Variants in DISP1 observed in about 807,000 individuals in gnomAD.
DISP1 encodes dispatched RND transporter family member 1, also known as protein dispatched homolog 1.
A neutral mutation model predicts 37.3 loss-of-function variants in DISP1; 30 were observed. The ratio of observed to expected loss-of-function variants is 0.80; its 90% CI spans 0.60 to 1.09. The LOEUF is 1.09. Ranked by LOEUF, DISP1 falls within the 50% of genes least tolerant of loss-of-function variation. DISP1 has a pLI of 0.00. For missense variants in DISP1, 1,598 were observed against 1,879.5 expected (o/e 0.85, Z 2.77); for synonymous variants, 634 against 690.2 (o/e 0.92, Z 1.28).
intron 1 of DISP1, among the ~76,000 whole-genome samples, chr1:222,892,650 T>C (rs1671003496): frequency 6.6e-6 from 1 of 152,194 alleles, no homozygotes; most frequent in Non-Finnish European, 1.5e-5. Flanking sequence ...TGTAAATACT[T>C]TTGACAGAAT....
intron 1 of DISP1, among the ~76,000 whole-genome samples, chr1:222,833,788 T>C (rs1666350144): frequency 6.6e-6 from 1 of 152,196 alleles, no homozygotes; most frequent in South Asian, 2.1e-4. Context: ...CTAGAAGACC[T>C]AGGCTTGAAC....
At chr1:222,913,331 T>C (rs1672312208) in intron 1 of DISP1, among the ~76,000 whole-genome samples, 1 of 152,200 alleles carries the variant, frequency 6.6e-6, no homozygotes. Context: ...CACTTTTATA[T>C]ATCAAAATGC....
intron 1 of DISP1, among the ~76,000 whole-genome samples, chr1:222,857,630 C>G (rs1668627536): frequency 6.6e-6 from 1 of 152,142 alleles, no homozygotes; most frequent in Non-Finnish European, 1.5e-5. Flanking sequence ...CATTTCTACA[C>G]ACCAACAACA....
chr1:222,826,097 T>G (rs1572174192), intron 1 of DISP1, among the ~76,000 whole-genome samples: 1 of 152,144 alleles, frequency 6.6e-6, no homozygotes, highest in East Asian at 1.9e-4. Flanking sequence ...GAGACAGAGG[T>G]CTCGTTTCAT....
At chr1:222,824,963 T>C (rs1663948951) in intron 1 of DISP1, among the ~76,000 whole-genome samples, 1 of 152,140 alleles carries the variant, frequency 6.6e-6, no homozygotes, top group Middle Eastern at 3.2e-3. Context: ...CAAAAAAAAT[T>C]TTTTAGACAG....
chr1:222,995,574 CAGGCGCTT>C (rs1164457381), intron 8 of DISP1, among the ~76,000 whole-genome samples: 3 of 152,204 alleles, frequency 2.0e-5, no homozygotes, highest in African/African-American at 7.2e-5. Context: ...TGCAAGAAGA[CAGGCGCTT>C]TGTCTCTCAG....
chr1:222,967,745 A>T (rs1676610958), intron 3 of DISP1, among the ~76,000 whole-genome samples: 1 of 152,214 alleles, frequency 6.6e-6, no homozygotes, highest in Admixed American at 6.5e-5. Context: ...TTTGTAAGAA[A>T]GATCTATATG....
intron 1 of DISP1, among the ~76,000 whole-genome samples, chr1:222,878,177 A>C (rs568584528): frequency 6.6e-6 from 1 of 152,350 alleles, no homozygotes; most frequent in East Asian, 1.9e-4. Flanking sequence ...AGGCATTGTT[A>C]CGGAGTCCTT....
chr1:222,970,820 C>A (rs571035711), intron 3 of DISP1, among the ~76,000 whole-genome samples: 1 of 152,056 alleles, frequency 6.6e-6, no homozygotes, highest in Admixed American at 6.6e-5. Context: ...GTGTCACTGG[C>A]ATGTATAATA....
intron 1 of DISP1, among the ~76,000 whole-genome samples, chr1:222,917,893 A>G (rs2125435366): frequency 6.6e-6 from 1 of 152,292 alleles, no homozygotes; most frequent in East Asian, 1.9e-4. Flanking sequence ...TAGTTGATCC[A>G]AGGGGACTAA....
intron 3 of DISP1, among the ~76,000 whole-genome samples, chr1:222,946,383 C>CAAAAA (rs71178514): frequency 4.7e-5 from 4 of 85,396 alleles, no homozygotes; most frequent in African/African-American, 1.4e-4. Context: ...GACTCCATCT[C>CAAAAA]AAAAAAAAAA....
chr1:222,868,993 A>C (rs1027990052), intron 1 of DISP1, among the ~76,000 whole-genome samples: 7 of 152,316 alleles, frequency 4.6e-5, no homozygotes, highest in African/African-American at 1.4e-4. Flanking sequence ...AAACAAAGTT[A>C]AGAAATTCTC....
At chr1:222,978,928 G>A (rs1024620773) in intron 3 of DISP1, among the ~76,000 whole-genome samples, 3 of 152,194 alleles carry the variant, frequency 2.0e-5, no homozygotes, top group Non-Finnish European at 4.4e-5. Flanking sequence ...CTGTAGCCTT[G>A]TAGTATAGTT....
intron 1 of DISP1, among the ~76,000 whole-genome samples, chr1:222,900,418 G>A (rs1324545555): frequency 6.6e-6 from 1 of 152,172 alleles, no homozygotes; most frequent in Non-Finnish European, 1.5e-5. Context: ...GTCAGTAGAT[G>A]AGATACATAA....
chr1:222,943,756 C>T (rs757747167), intron 3 of DISP1, among the ~76,000 whole-genome samples: 1 of 152,132 alleles, frequency 6.6e-6, no homozygotes, highest in Non-Finnish European at 1.5e-5. Flanking sequence ...CGGCCAGATG[C>T]GGTGGCTCAT....
chr1:222,901,093 G>A (rs1029600914), intron 1 of DISP1, among the ~76,000 whole-genome samples: 8 of 152,120 alleles, frequency 5.3e-5, no homozygotes, highest in South Asian at 4.1e-4. Flanking sequence ...CTCTAGAAAC[G>A]GTGGGATTGC....
At chr1:222,992,264 C>A (rs908360217) in intron 7 of DISP1, among the ~76,000 whole-genome samples, 154 bp downstream of exon 7, 3 of 152,084 alleles carry the variant, frequency 2.0e-5, no homozygotes, top group Non-Finnish European at 4.4e-5. Context: ...TTAACTTTTT[C>A]TTTTACTTCT....
chr1:222,924,963 T>G (rs1027420282), intron 1 of DISP1, among the ~76,000 whole-genome samples: 2 of 152,118 alleles, frequency 1.3e-5, no homozygotes, highest in African/African-American at 4.8e-5. Context: ...GAAAGATACC[T>G]AAATAGTATG....
At chr1:222,930,968 T>G (rs1025375386) in intron 2 of DISP1, among the ~76,000 whole-genome samples, 2 of 152,026 alleles carry the variant, frequency 1.3e-5, no homozygotes, top group African/African-American at 4.8e-5. Context: ...TAGGACATTA[T>G]TTGCTGGACT....
Sources: allele counts gnomAD v4.1 joint callset (sites outside exome capture counted in the v4.1 genomes callset), GRCh38; gene constraint gnomAD v4.1.1; transcripts MANE v1.5; gene names NCBI Gene and HGNC (gene_info 2026-07-23, HGNC 2026-07-21).